Variants in ERC2 observed in about 807,000 individuals in gnomAD.
The protein encoded by ERC2 is ELKS/RAB6-interacting/CAST family member 2.
ERC2 carries 42 observed loss-of-function variants against 114.8 expected under a neutral mutation model. The observed-to-expected ratio is 0.37, with a 90% confidence interval of 0.29 to 0.47. ERC2 has a LOEUF of 0.47. Ranked by LOEUF, ERC2 falls within the 20% of genes least tolerant of loss-of-function variation. The pLI, the probability that ERC2 is intolerant of heterozygous loss-of-function variation, is 0.99. For missense variants in ERC2, 939 were observed against 1,150.7 expected (o/e 0.82, Z 2.66); for synonymous variants, 454 against 425.5 (o/e 1.07, Z -0.82).
chr3:55,677,818 T>C (rs1433642975), intron 17 of ERC2, among the ~76,000 whole-genome samples: 2 of 152,102 alleles, frequency 1.3e-5, no homozygotes, highest in East Asian at 1.9e-4. Context: ...CTATTAACCA[T>C]GTCAGGGGAT....
intron 2 of ERC2, among the ~76,000 whole-genome samples, chr3:56,318,786 A>G (rs1200844367): frequency 3.3e-5 from 5 of 151,620 alleles, no homozygotes; most frequent in Admixed American, 2.6e-4. Flanking sequence ...GCTGTTATAA[A>G]AAAAAAAAGC....
At chr3:55,984,094 C>A (rs1231689262) in intron 12 of ERC2, among the ~76,000 whole-genome samples, 1 of 152,216 alleles carries the variant, frequency 6.6e-6, no homozygotes, top group East Asian at 1.9e-4. Flanking sequence ...TCATTTGAGG[C>A]AACAGGTTAA....
intron 4 of ERC2, among the ~76,000 whole-genome samples, chr3:56,173,005 G>A (rs1371037974): frequency 6.6e-6 from 1 of 152,186 alleles, no homozygotes; most frequent in Non-Finnish European, 1.5e-5. Context: ...TTTTTGAAAA[G>A]TAAATTTTGC....
chr3:55,873,224 G>T (rs559185778), intron 14 of ERC2, among the ~76,000 whole-genome samples: 1 of 152,146 alleles, frequency 6.6e-6, no homozygotes, highest in Admixed American at 6.5e-5. Context: ...GAAAAAGAGG[G>T]TCATGCTTCT....
At chr3:56,278,112 C>G (rs2167618) in intron 3 of ERC2, among the ~76,000 whole-genome samples, 95,848 of 151,894 alleles carry the variant, frequency 0.63, 32,175 homozygotes, top group Non-Finnish European at 0.75. Flanking sequence ...ATAGTGCCTG[C>G]CCCACCGTGG....
In ERC2 at chr3:55,654,432, T is replaced by A. The variant is rs1445842526; in HGVS notation, c.*39+29362A>T. Among the ~76,000 whole-genome samples the A allele has an allele frequency of 2.0e-5, 3 of 152,358 alleles. No individual in the cohort carries two copies. The East Asian group carries it at 5.8e-4, about 29-fold the overall frequency. On this transcript the variant is annotated intron_variant, in intron 17 of 17. Transcript: ENST00000288221. The stretch of plus-strand genomic sequence containing the variant: ...TCAGAGCTGAAGTTTCAAGCATGCA[T>A]CTGGACAAAATATGCTTTCCATATA...
intron 3 of ERC2, among the ~76,000 whole-genome samples, chr3:56,219,649 T>C (rs1994294): frequency 0.47 from 68,603 of 146,550 alleles, 16,411 homozygotes; most frequent in East Asian, 0.73. Flanking sequence ...AGGCTGAGAA[T>C]TGAAGGACAA....
chr3:56,184,397 T>A (rs1259493556), intron 3 of ERC2, among the ~76,000 whole-genome samples: 1 of 152,198 alleles, frequency 6.6e-6, no homozygotes, highest in East Asian at 1.9e-4. Flanking sequence ...GAAAAGGGAA[T>A]ATATTTCCTG....
At chr3:56,192,943 A>G (rs1435323000) in intron 3 of ERC2, among the ~76,000 whole-genome samples, 1 of 152,180 alleles carries the variant, frequency 6.6e-6, no homozygotes, top group Non-Finnish European at 1.5e-5. Flanking sequence ...GCCAGCAATC[A>G]TCCCAATGAA....
intron 17 of ERC2, among the ~76,000 whole-genome samples, chr3:55,663,805 C>G (rs943014965): frequency 2.6e-5 from 4 of 152,180 alleles, no homozygotes; most frequent in Non-Finnish European, 4.4e-5. Context: ...ATAAAGCAAA[C>G]ATGAGTACCA....
intron 6 of ERC2, among the ~76,000 whole-genome samples, chr3:56,095,856 T>TTA (rs915897633): frequency 1.3e-5 from 2 of 152,190 alleles, no homozygotes; most frequent in African/African-American, 4.8e-5. Flanking sequence ...GTGGTACATA[T>TTA]TATAGCTGTT....
At chr3:55,771,620 G>T (rs939364265) in intron 14 of ERC2, among the ~76,000 whole-genome samples, 2 of 152,198 alleles carry the variant, frequency 1.3e-5, no homozygotes, top group Non-Finnish European at 2.9e-5. Flanking sequence ...ACCCCACTAG[G>T]CTGGCTGACT....
At chr3:56,322,830 G>A (rs2057188998) in intron 2 of ERC2, among the ~76,000 whole-genome samples, 1 of 152,140 alleles carries the variant, frequency 6.6e-6, no homozygotes, top group South Asian at 2.1e-4. Flanking sequence ...TGATTTGGAT[G>A]TGGTTTGTCC....
intron 3 of ERC2, among the ~76,000 whole-genome samples, chr3:56,253,758 C>T (rs988589786): frequency 1.1e-4 from 16 of 152,150 alleles, no homozygotes; most frequent in African/African-American, 1.7e-4. Context: ...GCTAAAGACT[C>T]CCCAGGTCTG....
At chr3:55,938,593 C>T (rs1423477406) in intron 13 of ERC2, among the ~76,000 whole-genome samples, 1 of 152,100 alleles carries the variant, frequency 6.6e-6, no homozygotes, top group Non-Finnish European at 1.5e-5. Context: ...CTGAACAGAC[C>T]CAGGCATCTA....
chr3:56,217,975 T>C (rs1419702396), intron 3 of ERC2, among the ~76,000 whole-genome samples: 4 of 152,258 alleles, frequency 2.6e-5, no homozygotes, highest in East Asian at 1.9e-4. Flanking sequence ...TTACACCTTA[T>C]ACAAAAATTA....
In ERC2 at chr3:56,089,140, A is replaced by G. The variant is rs540918824; in HGVS notation, c.1474-8156T>C. Among the ~76,000 whole-genome samples the G allele has an allele frequency of 7.8e-4, 119 of 152,330 alleles. No individual in the cohort carries two copies. In the South Asian group the frequency reaches 0.01, roughly 13 times the overall value. ...AGATGGGTGTATTACCCAACTGGGA[A>G]TAAGTCCTCCAGAGTTAGTTAATTA... is the stretch of plus-strand genomic sequence containing the variant. On this transcript the variant is annotated intron_variant, in intron 6 of 17. Transcript: ENST00000288221.
intron 14 of ERC2, among the ~76,000 whole-genome samples, chr3:55,773,291 G>C (rs76363208): frequency 6.6e-6 from 1 of 152,104 alleles, no homozygotes; most frequent in Non-Finnish European, 1.5e-5. Flanking sequence ...CCTCTGCCTG[G>C]AGCGCTCTTC....
At chr3:56,073,137 C>T (rs2076817995) in intron 7 of ERC2, among the ~76,000 whole-genome samples, 1 of 152,116 alleles carries the variant, frequency 6.6e-6, no homozygotes, top group Admixed American at 6.5e-5. Context: ...AGAAAAAGTG[C>T]AGGTAAAAAT....
Sources: gnomAD v4.1 joint callset for allele counts (sites outside exome capture counted in the v4.1 genomes callset) on GRCh38, gnomAD v4.1.1 for gene constraint, MANE v1.5 for transcripts, NCBI Gene and HGNC (gene_info 2026-07-23, HGNC 2026-07-21) for gene names.